DOK6: variants seen among roughly 807,000 people sequenced by gnomAD.
DOK6 encodes docking protein 6.
A neutral mutation model predicts 44.0 loss-of-function variants in DOK6; 22 were observed. That is an observed-to-expected ratio of 0.50 (90% CI 0.36 to 0.71). The LOEUF (loss-of-function observed/expected upper bound fraction) is 0.71. DOK6 is among the 30% of genes least tolerant of loss of function. DOK6 has a pLI of 0.00. For missense variants in DOK6, 340 were observed against 416.4 expected, an observed-to-expected ratio of 0.82 and a Z score of 1.60; for synonymous variants, 166 against 145.5, an observed-to-expected ratio of 1.14 and a Z score of -1.01.
intron 1 of DOK6, among the ~76,000 whole-genome samples, chr18:69,509,413 G>A (rs1026029455): frequency 8.5e-5 from 13 of 152,072 alleles, no homozygotes; most frequent in Non-Finnish European, 1.3e-4. Context: ...CAAGGCGGGC[G>A]GATCACGAGG....
intron 1 of DOK6, among the ~76,000 whole-genome samples, chr18:69,516,500 A>T (rs775735071): frequency 6.6e-6 from 1 of 152,186 alleles, no homozygotes; most frequent in Non-Finnish European, 1.5e-5. Flanking sequence ...CATAAACGAA[A>T]CACTTCATTT....
In DOK6 at chr18:69,757,767, C is replaced by T. The variant is rs752925416; in HGVS notation, c.750C>T (p.Ser250=). ...EMEQKARLQT[S]LTEPMTLSKS... is the part of the protein sequence containing the mutation. ...CTTTTCTCTTTTAGCTTCAGACAAG[C>T]TTGACTGAACCAATGACATTATCCA... The change falls in exon 7 of 8, where the codon AGC becomes AGT. Residue 250 remains serine (S), a synonymous_variant. Coordinates refer to ENST00000382713, the MANE Select transcript of DOK6 (RefSeq NM_152721.6). The T allele has an allele frequency of 6.2e-7, 1 of 1,614,068 alleles. No homozygotes were observed. The highest frequency in any genetic ancestry group is 8.5e-7 in the Non-Finnish European group (1 of 1,179,950).
At chr18:69,736,906 G>GGT (rs1386148211) in intron 5 of DOK6, among the ~76,000 whole-genome samples, 1 of 152,052 alleles carries the variant, frequency 6.6e-6, no homozygotes, top group African/African-American at 2.4e-5. Context: ...GTCACCTTGG[G>GGT]GTGTGTTAAA....
At chr18:69,551,911 G>A (rs1982575538) in intron 1 of DOK6, among the ~76,000 whole-genome samples, 1 of 152,076 alleles carries the variant, frequency 6.6e-6, no homozygotes, top group Non-Finnish European at 1.5e-5. Flanking sequence ...AAAATGTATT[G>A]AAATCTCCAT....
At chr18:69,802,713 A>G (rs1050685297) in intron 7 of DOK6, among the ~76,000 whole-genome samples, 1 of 152,164 alleles carries the variant, frequency 6.6e-6, no homozygotes, top group Admixed American at 6.5e-5. Context: ...ACCATGTGAT[A>G]TGCTGGCTCT....
At chr18:69,632,427 C>T (rs1369978009) in intron 3 of DOK6, among the ~76,000 whole-genome samples, 1 of 152,032 alleles carries the variant, frequency 6.6e-6, no homozygotes, top group African/African-American at 2.4e-5. Flanking sequence ...GTATTTTTTT[C>T]CCTCTAAAAT....
At chr18:69,560,480 T>C (rs1245622278) in intron 1 of DOK6, among the ~76,000 whole-genome samples, 3 of 152,112 alleles carry the variant, frequency 2.0e-5, no homozygotes, top group African/African-American at 7.2e-5. Context: ...TATTCCAAAC[T>C]ACTGTGAAAT....
At chr18:69,782,758 C>T (rs116069512) in intron 7 of DOK6, among the ~76,000 whole-genome samples, 2,686 of 151,884 alleles carry the variant, frequency 0.018, 69 homozygotes, top group African/African-American at 0.06. Context: ...AGCGAGACTC[C>T]GTCTCAAAAA....
At chr18:69,824,314 C>A (rs556143117) in intron 7 of DOK6, among the ~76,000 whole-genome samples, 2 of 147,246 alleles carry the variant, frequency 1.4e-5, no homozygotes, top group South Asian at 4.4e-4. Flanking sequence ...TTTGTCCTTG[C>A]GATAGTTTGC....
rs369379080 is a variant in DOK6 at position 69,628,364 on chromosome 18, C to T, written c.289+28866C>T. 2.6e-5 allele frequency among the ~76,000 whole-genome samples: 4 copies of T among 152,138 alleles called. No homozygotes were observed. The East Asian group carries it at 7.7e-4, about 29-fold the overall frequency. On this transcript the variant is annotated intron_variant, in intron 3 of 7. Transcript: ENST00000382713. ...ACTTATCCAGGTTTCATGGCCCATG[C>T]CTGTAATCCCAGCTACTTGGGGGGC...
At chr18:69,580,278 T>C (rs1983336484) in intron 2 of DOK6, among the ~76,000 whole-genome samples, 1 of 152,162 alleles carries the variant, frequency 6.6e-6, no homozygotes, top group South Asian at 2.1e-4. Context: ...TCCTTGTAGC[T>C]GTAGAGCTGA....
intron 1 of DOK6, among the ~76,000 whole-genome samples, chr18:69,523,101 G>C (rs1371539128): frequency 6.6e-6 from 1 of 152,076 alleles, no homozygotes; most frequent in Non-Finnish European, 1.5e-5. Flanking sequence ...TATCGGAAAT[G>C]TGTAATTTAA....
intron 2 of DOK6, among the ~76,000 whole-genome samples, chr18:69,592,599 A>G (rs1333983945): frequency 6.6e-6 from 1 of 152,144 alleles, no homozygotes; most frequent in Non-Finnish European, 1.5e-5. Flanking sequence ...ATTTTTCATC[A>G]TGGAACGTAT....
intron 1 of DOK6, among the ~76,000 whole-genome samples, chr18:69,514,967 A>T (rs1981479297): frequency 6.6e-6 from 1 of 152,036 alleles, no homozygotes; most frequent in African/African-American, 2.4e-5. Context: ...ATCAGATGAC[A>T]CAGTGGACAA....
chr18:69,727,308 T>C (rs1223390218), intron 5 of DOK6, among the ~76,000 whole-genome samples: 3 of 152,168 alleles, frequency 2.0e-5, no homozygotes, highest in Non-Finnish European at 4.4e-5. Context: ...ATTCAGACCA[T>C]AGCAGACTGT....
chr18:69,762,820 C>T (rs1243221215), intron 7 of DOK6, among the ~76,000 whole-genome samples: 1 of 152,184 alleles, frequency 6.6e-6, no homozygotes, highest in African/African-American at 2.4e-5. Flanking sequence ...TTTCTCTCAT[C>T]CATTGCTAGA....
At chr18:69,439,113 G>C (rs770978477) in intron 1 of DOK6, among the ~76,000 whole-genome samples, 1 of 152,032 alleles carries the variant, frequency 6.6e-6, no homozygotes, top group Non-Finnish European at 1.5e-5. Context: ...TTCCATCAGA[G>C]CTCTTGGGTA....
chr18:69,808,099 C>A (rs764325762), intron 7 of DOK6, among the ~76,000 whole-genome samples: 16 of 151,856 alleles, frequency 1.1e-4, no homozygotes, highest in Non-Finnish European at 1.6e-4. Context: ...AGTCTCTTTT[C>A]TGACCACAAT....
intron 7 of DOK6, among the ~76,000 whole-genome samples, chr18:69,800,983 A>T (rs1174960500): frequency 6.6e-6 from 1 of 152,218 alleles, no homozygotes; most frequent in African/African-American, 2.4e-5. Flanking sequence ...AGCACCAAGG[A>T]TAAAATGAAT....
Sources: gnomAD v4.1 joint callset for allele counts (sites outside exome capture counted in the v4.1 genomes callset) on GRCh38, gnomAD v4.1.1 for gene constraint, MANE v1.5 for transcripts, NCBI Gene and HGNC (gene_info 2026-07-23, HGNC 2026-07-21) for gene names.